The following GALNT13 variants were observed in gnomAD, a reference collection of about 807,000 sequenced individuals.
The protein encoded by GALNT13 is UDP-GalNAc:polypeptide N-acetylgalactosaminyltransferase 13.
In GALNT13, 28 loss-of-function variants were observed where a neutral mutation model predicts 64.2. The observed-to-expected ratio is 0.44, with a 90% CI of 0.32 to 0.60. GALNT13 has a LOEUF of 0.60. GALNT13 is among the 20% of genes least tolerant of loss of function. The pLI, the probability that GALNT13 is intolerant of heterozygous loss-of-function variation, is 0.05. For synonymous variants in GALNT13, 214 were observed against 224.6 expected, an observed-to-expected ratio of 0.95 and a Z score of 0.42; for missense variants, 577 against 669.8, an observed-to-expected ratio of 0.86 and a Z score of 1.53.
the GALNT13 span, among the ~76,000 whole-genome samples, chr2:153,517,528 A>C: frequency 6.6e-6 from 1 of 152,134 alleles, no homozygotes; most frequent in Non-Finnish European, 1.5e-5. Context: ...AACCTGAAGG[A>C]ACTAATGGCC....
the GALNT13 span, among the ~76,000 whole-genome samples, chr2:153,621,615 C>T: frequency 6.6e-6 from 1 of 152,078 alleles, no homozygotes; most frequent in Non-Finnish European, 1.5e-5. Flanking sequence ...CCTTATAAGT[C>T]TATTTGGTAT....
chr2:153,540,566 C>A, the GALNT13 span, among the ~76,000 whole-genome samples: 3 of 152,288 alleles, frequency 2.0e-5, no homozygotes, highest in East Asian at 5.8e-4. Flanking sequence ...GCACTATGTA[C>A]CTGGAACAGC....
chr2:153,073,424 AAAT>A, the GALNT13 span, among the ~76,000 whole-genome samples: 1 of 152,150 alleles, frequency 6.6e-6, no homozygotes, highest in Non-Finnish European at 1.5e-5. Context: ...AAAAACTTGA[AAAT>A]AAAAAATCGG....
At chr2:153,879,106 C>T (rs1273204642) in intron 1 of GALNT13, among the ~76,000 whole-genome samples, 1 of 152,206 alleles carries the variant, frequency 6.6e-6, no homozygotes, top group Non-Finnish European at 1.5e-5. Flanking sequence ...AACTAATCTG[C>T]TTGTAGTATA....
intron 4 of GALNT13, among the ~76,000 whole-genome samples, chr2:154,225,207 G>A (rs1035123746): frequency 1.5e-5 from 2 of 136,298 alleles, no homozygotes; most frequent in African/African-American, 5.4e-5. Context: ...CAGAGACTGA[G>A]AGACTGAGAG....
chr2:153,166,620 CATGTGTGTGTGTGT>C, the GALNT13 span, among the ~76,000 whole-genome samples: 1 of 72,596 alleles, frequency 1.4e-5, no homozygotes, highest in South Asian at 5.3e-4. Context: ...TTGCCTACTG[CATGTGTGTGTGTGT>C]GTGTGTGTGT....
intron 4 of GALNT13, among the ~76,000 whole-genome samples, chr2:154,230,454 C>A (rs1688856779): frequency 6.6e-6 from 1 of 152,066 alleles, no homozygotes; most frequent in African/African-American, 2.4e-5. Flanking sequence ...ACAACATTTA[C>A]TTGGTGTTCT....
chr2:153,942,914 A>G (rs1416712610), intron 2 of GALNT13, among the ~76,000 whole-genome samples: 1 of 152,116 alleles, frequency 6.6e-6, no homozygotes, highest in Non-Finnish European at 1.5e-5. Context: ...TTATACTTTG[A>G]TGTTTTTGAG....
At chr2:153,114,616 A>G in the GALNT13 span, among the ~76,000 whole-genome samples, 1 of 152,106 alleles carries the variant, frequency 6.6e-6, no homozygotes, top group Non-Finnish European at 1.5e-5. Context: ...GCTTTTGACA[A>G]CTCAGTGTAG....
At chr2:153,850,955 C>T in the GALNT13 span, among the ~76,000 whole-genome samples, 3 of 152,146 alleles carry the variant, frequency 2.0e-5, no homozygotes, top group Non-Finnish European at 4.4e-5. Flanking sequence ...ATGGTTTCAA[C>T]ACCCTTTTTT....
At chr2:153,659,783 C>A in the GALNT13 span, among the ~76,000 whole-genome samples, 1 of 152,028 alleles carries the variant, frequency 6.6e-6, no homozygotes, top group Admixed American at 6.6e-5. Flanking sequence ...CCACAAGGAG[C>A]AGTAAATAAA....
chr2:153,096,825 C>T, the GALNT13 span, among the ~76,000 whole-genome samples: 4 of 152,078 alleles, frequency 2.6e-5, no homozygotes, highest in East Asian at 7.7e-4. Context: ...TTTAGCCAGT[C>T]TATGTCTTTT....
At chr2:153,540,677 C>G in the GALNT13 span, among the ~76,000 whole-genome samples, 22 of 152,340 alleles carry the variant, frequency 1.4e-4, no homozygotes, top group African/African-American at 5.3e-4. Flanking sequence ...CCACCTCCTG[C>G]AACAGTGTGA....
intron 3 of GALNT13, among the ~76,000 whole-genome samples, chr2:154,116,724 G>A (rs546505252): frequency 2.6e-5 from 4 of 152,196 alleles, no homozygotes; most frequent in Admixed American, 2.6e-4. Flanking sequence ...CATACTATTA[G>A]AAGTAGAGTC....
chr2:154,332,833 G>A (rs753961666), intron 9 of GALNT13, among the ~76,000 whole-genome samples: 34 of 152,064 alleles, frequency 2.2e-4, no homozygotes, highest in Non-Finnish European at 4.4e-5. Context: ...GCAAATGAAT[G>A]AAGAATAAGA....
At chr2:153,266,014 T>G in the GALNT13 span, among the ~76,000 whole-genome samples, 1 of 152,200 alleles carries the variant, frequency 6.6e-6, no homozygotes, top group Admixed American at 6.5e-5. Flanking sequence ...GATATGTACT[T>G]ATTTTAGACA....
the GALNT13 span, among the ~76,000 whole-genome samples, chr2:153,814,739 C>T: frequency 2.0e-5 from 3 of 152,172 alleles, no homozygotes; most frequent in Non-Finnish European, 2.9e-5. Flanking sequence ...TTATGATGCT[C>T]CCTCCAGCCG....
chr2:153,631,381 A>C, the GALNT13 span, among the ~76,000 whole-genome samples: 5 of 152,148 alleles, frequency 3.3e-5, no homozygotes, highest in African/African-American at 4.8e-5. Context: ...GTGAGGAATC[A>C]CCACACTGTC....
the GALNT13 span, among the ~76,000 whole-genome samples, chr2:153,786,005 A>C: frequency 2.6e-5 from 4 of 151,806 alleles, 1 homozygote; most frequent in South Asian, 8.4e-4. Context: ...AGCTTATGCC[A>C]GCAGTGCGGA....
Sources: allele counts gnomAD v4.1 joint callset (sites outside exome capture counted in the v4.1 genomes callset), GRCh38; gene constraint gnomAD v4.1.1; transcripts MANE v1.5; gene names NCBI Gene and HGNC (gene_info 2026-07-23, HGNC 2026-07-21).